The following WFDC9 variants were observed in gnomAD, a reference collection of about 807,000 sequenced individuals.
The protein encoded by WFDC9 is protein WFDC9.
WFDC9 carries 9 observed loss-of-function variants against 9.5 expected under a neutral mutation model. The observed-to-expected ratio is 0.95, with a 90% CI of 0.57 to 1.65. The LOEUF (loss-of-function observed/expected upper bound fraction) is 1.65, where lower values mean the gene tolerates loss of function less well. Ranked by LOEUF, WFDC9 falls within the 40% of genes most tolerant of loss-of-function variation. The pLI, the probability that WFDC9 is intolerant of heterozygous loss-of-function variation, is 0.00. For synonymous variants in WFDC9, 33 were observed against 32.3 expected (o/e 1.02, Z -0.07); for missense variants, 87 against 106.7 (o/e 0.82, Z 0.81).
In WFDC9 at chr20:45,622,631, A is replaced by G. The variant is rs117187171; in HGVS notation, c.-152-7910T>C. 5.1e-3 allele frequency among the ~76,000 whole-genome samples: 776 copies of G among 152,276 alleles called. 6 individuals carry two copies. Among genetic ancestry groups the G allele is most frequent in the Middle Eastern group, 0.01 (3 of 294 alleles). ...AGAGTCAGTTACTTAATGGTGCCCA[A>G]TCACCCCCAATGCTGTCATGTACAT... is the stretch of plus-strand genomic sequence containing the variant. On this transcript the variant is annotated intron_variant, in intron 1 of 4. Coordinates refer to ENST00000326000, the MANE Select transcript of WFDC9 (RefSeq NM_147198.4).
At position 45,612,151 on chromosome 20, in the gene WFDC9, T is replaced by G. The variant is rs529210418; in HGVS notation, c.-58-1912A>C. 2.0e-5 allele frequency among the ~76,000 whole-genome samples: 3 copies of G among 152,324 alleles called. No homozygotes were observed. In the South Asian group the frequency reaches 6.2e-4, roughly 32 times the overall value. ...AATATAGTATATACTTCATAAATGT[T>G]AACTGTCAGCATTAAGCTCAGAATA... On this transcript the variant is annotated intron_variant, in intron 2 of 4. Coordinates refer to ENST00000326000, the MANE Select transcript of WFDC9 (RefSeq NM_147198.4).
intron 1 of WFDC9, chr20:45,629,726 C>T: frequency 4.0e-6 from 6 of 1,493,760 alleles, no homozygotes; most frequent in Non-Finnish European, 5.5e-6. Flanking sequence ...ATCATTCCTT[C>T]TTTCCTTCCT....
At chr20:45,618,146 C>A (rs1042971978) in intron 1 of WFDC9, among the ~76,000 whole-genome samples, 4 of 152,156 alleles carry the variant, frequency 2.6e-5, no homozygotes, top group African/African-American at 9.7e-5. Context: ...CTTTCCTTAA[C>A]CCTCATGAAC....
chr20:45,609,970 G>A (rs1981824141), intron 3 of WFDC9, 121 bp downstream of exon 3: 1 of 720,412 alleles, frequency 1.4e-6, no homozygotes, highest in African/African-American at 1.8e-5. Flanking sequence ...AATCTTGCTT[G>A]AATATCTCTA....
intron 1 of WFDC9, among the ~76,000 whole-genome samples, chr20:45,617,658 A>T (rs1982002286): frequency 6.6e-6 from 1 of 151,962 alleles, no homozygotes; most frequent in African/African-American, 2.4e-5. Flanking sequence ...CCATGCCTGA[A>T]ATATTCTTTT....
In WFDC9 at chr20:45,625,807, CTTTTTTTTTTTTTTTTTTT is replaced by C. The variant is rs76758338; in HGVS notation, c.-153+5377_-153+5395del. ...TGGATTTATTTCTAGGTTCTCTATT[CTTTTTTTTTTTTTTTTTTT>C]TTTTTTTGAGACAGAGTCTTGCTCT... On this transcript the variant is annotated intron_variant, in intron 1 of 4. Transcript: ENST00000326000. Among the ~76,000 whole-genome samples the C allele has an allele frequency of 2.2e-4, 10 of 46,410 alleles. No homozygotes were observed. In the South Asian group the frequency reaches 8.8e-3, roughly 41 times the overall value. 30.4% of individuals were successfully genotyped at this position (46,410 alleles called of 152,430 possible).
At chr20:45,617,417 T>C (rs1981996620) in intron 1 of WFDC9, among the ~76,000 whole-genome samples, 1 of 152,192 alleles carries the variant, frequency 6.6e-6, no homozygotes, top group Non-Finnish European at 1.5e-5. Flanking sequence ...ATTGTGCCAC[T>C]GCACTCTAGC....
intron 1 of WFDC9, among the ~76,000 whole-genome samples, chr20:45,618,996 G>C (rs746014626): frequency 3.3e-5 from 5 of 152,140 alleles, no homozygotes; most frequent in Non-Finnish European, 7.4e-5. Context: ...GCACTGAGGG[G>C]CAGGAAGTAT....
chr20:45,615,184 A>G (rs142326231), intron 1 of WFDC9, among the ~76,000 whole-genome samples: 2,110 of 152,316 alleles, frequency 0.014, 88 homozygotes, highest in Admixed American at 0.097. Flanking sequence ...GAATTTTAGA[A>G]AAAGTAGATG....
intron 3 of WFDC9, among the ~76,000 whole-genome samples, chr20:45,609,409 G>T (rs1305725170): frequency 6.6e-6 from 1 of 151,938 alleles, no homozygotes; most frequent in Non-Finnish European, 1.5e-5. Context: ...TCACCATGTT[G>T]GTTGGGCAGT....
Position 45,608,117 on chromosome 20 carries a change from T to G in WFDC9, c.263A>C (p.Asn88Thr), listed in dbSNP as rs1471351616. The change falls in exon 5 of 5, where the codon AAC (asparagine) becomes ACC (threonine). Residue 88 changes from asparagine (N) to threonine (T), a missense_variant. Coordinates refer to ENST00000326000, the MANE Select transcript of WFDC9 (RefSeq NM_147198.4). ...GTGATCGGCCAATAGAATCTAGGGG[T>G]TTAGCATTGATTTAAGGGGCTCTCT... ...DNEEPLKSML[N>T]P is the part of the protein sequence containing the mutation. The G allele has an allele frequency of 2.5e-6, 4 of 1,612,852 alleles. No homozygotes were observed. The highest frequency in any genetic ancestry group is 3.4e-6 in the Non-Finnish European group (4 of 1,179,640).
chr20:45,607,979 TA>T lies in WFDC9; in HGVS notation c.*130del. 2.0e-6 allele frequency: 2 copies of T among 1,021,656 alleles called. No individual in the cohort carries two copies. Among genetic ancestry groups the T allele is most frequent in the Non-Finnish European group, 3.0e-6 (2 of 663,672 alleles). 63.3% of individuals were successfully genotyped at this position (1,021,656 alleles called of 1,614,324 possible). ...AGTTTATTTGACAAAAGCTTCAGGG[TA>T]AAGAGGTCAAGGAAATAGCAGAAAG... On this transcript the variant is annotated 3_prime_UTR_variant, in exon 5 of 5. Transcript: ENST00000326000.
intron 1 of WFDC9, among the ~76,000 whole-genome samples, chr20:45,616,320 C>T (rs1231728985): frequency 1.3e-5 from 2 of 152,180 alleles, no homozygotes; most frequent in Non-Finnish European, 2.9e-5. Context: ...GAAGCAACTC[C>T]TCATCCACTC....
At chr20:45,630,991 T>C (rs760603577) in intron 1 of WFDC9, 2 of 1,603,222 alleles carry the variant, frequency 1.2e-6, no homozygotes, top group Non-Finnish European at 1.7e-6. Context: ...CTACCTACTG[T>C]GGGAATGTTT....
Position 45,608,751 on chromosome 20 carries a change from C to A in WFDC9, c.151G>T (p.Glu51Ter). 3 of 1,614,112 alleles carry A rather than the reference C, an allele frequency of 1.9e-6. No homozygotes were observed. Among genetic ancestry groups the A allele is most frequent in the Non-Finnish European group, 2.5e-6 (3 of 1,179,968 alleles). ...GTCATTATTTTAGTACACCTTTTCT[C>A]ACAGTACTTATATGGAGGCTGTACC... Reference protein sequence around the residue: ...CWVQPPYKYCEKRCTKIMTCV... With the variant: ...CWVQPPYKYC The change falls in exon 4 of 5, where the codon GAG becomes TAG. Residue 51 changes from glutamate (E) to a stop codon, truncating the protein, a stop_gained. Transcript: ENST00000326000. LOFTEE classifies it high-confidence loss of function.
chr20:45,624,732 A>G (rs140257912), intron 1 of WFDC9, among the ~76,000 whole-genome samples: 1 of 152,216 alleles, frequency 6.6e-6, no homozygotes, highest in African/African-American at 2.4e-5. Context: ...AGCACTTGTT[A>G]TTTTTTGTCA....
At chr20:45,610,300 T>C in intron 2 of WFDC9, 61 bp from the exon 3 acceptor site, 1 of 786,944 alleles carries the variant, frequency 1.3e-6, no homozygotes, top group Non-Finnish European at 2.1e-6. Flanking sequence ...AAAGTGCTTA[T>C]GACTATCATG....
intron 1 of WFDC9, among the ~76,000 whole-genome samples, chr20:45,622,210 T>C (rs191284685): frequency 8.6e-5 from 13 of 150,448 alleles, no homozygotes; most frequent in Admixed American, 5.8e-4. Context: ...TCTTGTCCTA[T>C]TGTCACTATT....
chr20:45,620,032 A>G (rs1414463950), intron 1 of WFDC9, among the ~76,000 whole-genome samples: 1 of 152,150 alleles, frequency 6.6e-6, no homozygotes, highest in African/African-American at 2.4e-5. Flanking sequence ...TCTCAACAAA[A>G]AAGAAAAGGA....
Sources: gnomAD v4.1 joint callset for allele counts (sites outside exome capture counted in the v4.1 genomes callset) on GRCh38, gnomAD v4.1.1 for gene constraint, MANE v1.5 for transcripts, NCBI Gene and HGNC (gene_info 2026-07-23, HGNC 2026-07-21) for gene names.